The following ZFP82 variants were observed in gnomAD, a reference collection of about 807,000 sequenced individuals.
The protein encoded by ZFP82 is ZFP82 zinc finger protein, also known as zinc finger protein 82 homolog.
In ZFP82, 30 loss-of-function variants were observed where a neutral mutation model predicts 54.0. The observed-to-expected ratio is 0.56, with a 90% CI of 0.42 to 0.75. The LOEUF is 0.75. Among genes scored for constraint, ZFP82 ranks in the 30% least tolerant of loss-of-function variants. The pLI is 0.00. For missense variants in ZFP82, 500 were observed against 636.8 expected, an observed-to-expected ratio of 0.79 and a Z score of 2.31; for synonymous variants, 194 against 209.5, an observed-to-expected ratio of 0.93 and a Z score of 0.64.
intron 4 of ZFP82, among the ~76,000 whole-genome samples, chr19:36,400,389 A>G (rs1039467229): frequency 1.3e-5 from 2 of 152,218 alleles, no homozygotes; most frequent in Non-Finnish European, 2.9e-5. Context: ...CAACACAGGG[A>G]TAATGTACAA....
intron 4 of ZFP82, chr19:36,394,784 G>A (rs1347814193): frequency 6.6e-6 from 1 of 152,056 alleles, no homozygotes; most frequent in Non-Finnish European, 1.5e-5. Flanking sequence ...TGACCCTATT[G>A]ATAGTACCTA....
rs117417525 is a variant in ZFP82 at position 36,412,990 on chromosome 19, G to A, written c.-78-3123C>T. 2.3e-3 allele frequency among the ~76,000 whole-genome samples: 356 copies of A among 152,296 alleles called. 1 individual carries two copies. Among genetic ancestry groups the A allele is most frequent in the Non-Finnish European group, 3.7e-3 (252 of 68,036 alleles). On this transcript the variant is annotated intron_variant, in intron 1 of 4. Coordinates refer to ENST00000392161, the MANE Select transcript of ZFP82 (RefSeq NM_133466.4). ...TGTATTTCCCCCAAGGACTGGCACA[G>A]GATCTGGCATATTGTGAGTACTTTA...
chr19:36,388,181 TTA>T (rs754638411), downstream of ZFP82, among the ~76,000 whole-genome samples: 2 of 152,222 alleles, frequency 1.3e-5, no homozygotes, highest in Non-Finnish European at 2.9e-5. Flanking sequence ...GTAAATCATT[TTA>T]TGTTTTATAA....
chr19:36,405,680 G>A lies in ZFP82; in HGVS notation c.137-8C>T, dbSNP rs772116488. The A allele has an allele frequency of 1.9e-6, 3 of 1,579,694 alleles. 1 individual carries two copies. The South Asian group carries it at 3.4e-5, about 18-fold the overall frequency. ...GTTTAGAAATGAAGCATCCTGCTTAGAAGAAAAGGAATATAAGGTACATGA... is the reference window on the plus strand; with the variant it reads ...GTTTAGAAATGAAGCATCCTGCTTAAAAGAAAAGGAATATAAGGTACATGA... On this transcript the variant is annotated splice_region_variant and splice_polypyrimidine_tract_variant and intron_variant, in intron 3 of 4. Coordinates refer to ENST00000392161, the MANE Select transcript of ZFP82 (RefSeq NM_133466.4).
chr19:36,388,555 T>A (rs2032141878), downstream of ZFP82, among the ~76,000 whole-genome samples: 1 of 152,086 alleles, frequency 6.6e-6, no homozygotes, highest in Non-Finnish European at 1.5e-5. Flanking sequence ...ATAGTAATAC[T>A]GAAACATTGA....
At chr19:36,411,782 G>A (rs553498334) in intron 1 of ZFP82, among the ~76,000 whole-genome samples, 3 of 151,028 alleles carry the variant, frequency 2.0e-5, no homozygotes, top group Non-Finnish European at 4.4e-5. Context: ...GGAGAATGGC[G>A]TGAAACCAGG....
At chr19:36,388,326 T>A (rs949533336), downstream of ZFP82, among the ~76,000 whole-genome samples, 1 of 152,192 alleles carries the variant, frequency 6.6e-6, no homozygotes, top group African/African-American at 2.4e-5. Context: ...ATTGGGATAT[T>A]TGCCTTATAT....
chr19:36,406,660 T>A (rs770506642), intron 3 of ZFP82, among the ~76,000 whole-genome samples: 1 of 152,270 alleles, frequency 6.6e-6, no homozygotes, highest in African/African-American at 2.4e-5. Context: ...ATAATGCTGC[T>A]GTGAATACTT....
chr19:36,385,337 T>C (rs2032103630), downstream of ZFP82, among the ~76,000 whole-genome samples: 1 of 152,196 alleles, frequency 6.6e-6, no homozygotes, highest in Admixed American at 6.5e-5. Flanking sequence ...TCCAGAACCA[T>C]GAGTCAATAA....
At chr19:36,407,100 G>A (rs182705367) in intron 3 of ZFP82, among the ~76,000 whole-genome samples, 3,092 of 137,548 alleles carry the variant, frequency 0.022, 75 homozygotes, top group East Asian at 0.09. Context: ...TTTTTGAGAC[G>A]GAGTCTCGCT....
rs562709307 is a variant in ZFP82 at position 36,414,891 on chromosome 19, G to A, written c.-79+3601C>T. 3.4e-5 allele frequency among the ~76,000 whole-genome samples: 5 copies of A among 148,642 alleles called. No individual in the cohort carries two copies. The Admixed American group carries it at 3.4e-4, about 10-fold the overall frequency. On this transcript the variant is annotated intron_variant, in intron 1 of 4. Transcript: ENST00000392161. ...GGCTGGAATGCAATGGCAAGATCTC[G>A]GCTCACTGCAACCTCCACCTTCCGG... is the stretch of plus-strand genomic sequence containing the variant.
intron 2 of ZFP82, among the ~76,000 whole-genome samples, chr19:36,408,863 CAT>C (rs2032529952): frequency 6.6e-6 from 1 of 152,076 alleles, no homozygotes; most frequent in South Asian, 2.1e-4. Flanking sequence ...CTATACAATG[CAT>C]ATATGAGATT....
chr19:36,406,711 A>C (rs1163937388), intron 3 of ZFP82, among the ~76,000 whole-genome samples: 2 of 152,194 alleles, frequency 1.3e-5, no homozygotes, highest in Non-Finnish European at 2.9e-5. Context: ...CTCTTGAGTA[A>C]ACATTTAGGA....
chr19:36,407,908 A>T lies in ZFP82; in HGVS notation c.115T>A (p.Tyr39Asn). 6.2e-7 allele frequency: 1 copy of T among 1,614,152 alleles called. No individual in the cohort carries two copies. The highest frequency in any genetic ancestry group is 8.5e-7 in the Non-Finnish European group (1 of 1,179,976). ...TTACCCAGTGAGACCAAGTTGCTGT[A>T]GTTCTCCAACATGACATCTCTGTAC... ...DLYRDVMLEN[Y>N]SNLVSLGCFI... Residue 39 changes from tyrosine to asparagine, a missense_variant, in exon 3 of 5, where the codon TAC (tyrosine) becomes AAC (asparagine). Tyr to Asn is a moderately radical substitution (Grantham distance 143). Transcript: ENST00000392161.
At chr19:36,403,279 C>T (rs1180287856) in intron 4 of ZFP82, among the ~76,000 whole-genome samples, 1 of 147,818 alleles carries the variant, frequency 6.8e-6, no homozygotes, top group Non-Finnish European at 1.5e-5. Flanking sequence ...GCTGAAATCA[C>T]ACCACTGCAC....
At chr19:36,405,748 A>G in intron 3 of ZFP82, 76 bp from the exon 4 acceptor site, 1 of 1,077,308 alleles carries the variant, frequency 9.3e-7, no homozygotes, top group Non-Finnish European at 1.3e-6. Flanking sequence ...AGTCTTGGTT[A>G]AAGTATATGT....
chr19:36,412,524 G>A (rs1014423435), intron 1 of ZFP82, among the ~76,000 whole-genome samples: 3 of 152,290 alleles, frequency 2.0e-5, no homozygotes, highest in Admixed American at 6.5e-5. Context: ...GTTCATGTAT[G>A]TCAGAGTTCT....
intron 1 of ZFP82, 62 bp from the exon 2 acceptor site, chr19:36,409,929 A>C: frequency 3.6e-6 from 3 of 842,616 alleles, no homozygotes; most frequent in Non-Finnish European, 5.8e-6. Context: ...AAATGATTTG[A>C]GTTACTGTGA....
intron 4 of ZFP82, among the ~76,000 whole-genome samples, chr19:36,403,334 A>C (rs1266069828): frequency 7.3e-6 from 1 of 136,898 alleles, no homozygotes; most frequent in Non-Finnish European, 1.6e-5. Flanking sequence ...AAAAAAAAAA[A>C]AAAAAAAGGC....
Sources: allele counts gnomAD v4.1 joint callset (sites outside exome capture counted in the v4.1 genomes callset), GRCh38; gene constraint gnomAD v4.1.1; transcripts MANE v1.5; gene names NCBI Gene and HGNC (gene_info 2026-07-23, HGNC 2026-07-21).